Variants in TASP1 observed in about 807,000 individuals in gnomAD.
TASP1 encodes the protein threonine aspartase 1.
Under a neutral mutation model 56.6 loss-of-function variants are expected in TASP1, and 16 were observed. The ratio of observed to expected loss-of-function variants is 0.28; its 90% CI spans 0.19 to 0.43. The LOEUF (loss-of-function observed/expected upper bound fraction) is 0.43, where lower values mean the gene tolerates loss of function less well. TASP1 is among the 20% of genes least tolerant of loss of function. TASP1 has a pLI of 1.00. For missense variants in TASP1, 393 were observed against 511.6 expected (o/e 0.77, Z 2.24); for synonymous variants, 179 against 184.2 (o/e 0.97, Z 0.23).
At chr20:13,610,057 G>T (rs1038313439) in intron 4 of TASP1, among the ~76,000 whole-genome samples, 2 of 152,168 alleles carry the variant, frequency 1.3e-5, no homozygotes, top group African/African-American at 2.4e-5. Flanking sequence ...AAAATATCCA[G>T]AAGAGGTAAA....
At chr20:13,415,191 A>G (rs78018017) in intron 13 of TASP1, among the ~76,000 whole-genome samples, 9,649 of 152,256 alleles carry the variant, frequency 0.063, 455 homozygotes, top group African/African-American at 0.13. Flanking sequence ...GATGCTGAAC[A>G]GGTATGCCAC....
chr20:13,484,364 T>G (rs1374131163), intron 10 of TASP1, among the ~76,000 whole-genome samples: 1 of 152,204 alleles, frequency 6.6e-6, no homozygotes, highest in Non-Finnish European at 1.5e-5. Flanking sequence ...ACCCGTATGT[T>G]TCTAGCAGCA....
At chr20:13,577,724 C>T (rs1242470400) in intron 6 of TASP1, among the ~76,000 whole-genome samples, 1 of 152,190 alleles carries the variant, frequency 6.6e-6, no homozygotes, top group Non-Finnish European at 1.5e-5. Context: ...AGATCTTGGA[C>T]CGCTTAACTT....
At chr20:13,467,814 C>T (rs2044321950) in intron 11 of TASP1, among the ~76,000 whole-genome samples, 1 of 151,850 alleles carries the variant, frequency 6.6e-6, no homozygotes, top group Non-Finnish European at 1.5e-5. Flanking sequence ...GTCAGGAGTT[C>T]GAGACCAGTC....
chr20:13,520,710 A>G (rs1407477940), intron 10 of TASP1, among the ~76,000 whole-genome samples: 2 of 152,166 alleles, frequency 1.3e-5, no homozygotes, highest in African/African-American at 4.8e-5. Context: ...GACATAGGCA[A>G]GGGCAAGGAC....
At chr20:13,527,677 A>G (rs1474764962) in intron 10 of TASP1, among the ~76,000 whole-genome samples, 1 of 152,102 alleles carries the variant, frequency 6.6e-6, no homozygotes, top group African/African-American at 2.4e-5. Flanking sequence ...TTTACAATAT[A>G]CATATAAAAA....
At chr20:13,134,932 C>T in the TASP1 span, among the ~76,000 whole-genome samples, 1 of 152,196 alleles carries the variant, frequency 6.6e-6, no homozygotes, top group African/African-American at 2.4e-5. Context: ...CTTCAGTCCC[C>T]ATGACCACTT....
chr20:13,119,678 T>C, the TASP1 span, among the ~76,000 whole-genome samples: 108,587 of 152,034 alleles, frequency 0.71, 39,076 homozygotes, highest in African/African-American at 0.78. Flanking sequence ...CATGTTACAC[T>C]GCAGTGTCTA....
At chr20:13,488,418 T>G (rs900985207) in intron 10 of TASP1, among the ~76,000 whole-genome samples, 2 of 152,088 alleles carry the variant, frequency 1.3e-5, no homozygotes, top group African/African-American at 4.8e-5. Context: ...AAAGATGCTA[T>G]GGCAAAAAAA....
chr20:13,392,124 A>G (rs2041312977), intron 13 of TASP1, among the ~76,000 whole-genome samples: 1 of 151,776 alleles, frequency 6.6e-6, no homozygotes, highest in South Asian at 2.1e-4. Context: ...ACTCTAGAGT[A>G]TCCTACAAGC....
At chr20:13,131,342 G>A in the TASP1 span, among the ~76,000 whole-genome samples, 1 of 152,070 alleles carries the variant, frequency 6.6e-6, no homozygotes, top group Non-Finnish European at 1.5e-5. Flanking sequence ...GTGGTGCCCG[G>A]CCTGACATCT....
At chr20:13,112,997 A>C in the TASP1 span, among the ~76,000 whole-genome samples, 29 of 152,322 alleles carry the variant, frequency 1.9e-4, no homozygotes, top group African/African-American at 6.7e-4. Context: ...AGCCTAGCCA[A>C]CAGGGTGAAA....
intron 4 of TASP1, among the ~76,000 whole-genome samples, chr20:13,601,251 A>G (rs562080254): frequency 6.6e-6 from 1 of 151,730 alleles, no homozygotes; most frequent in East Asian, 1.9e-4. Flanking sequence ...GCACTCCACC[A>G]GCCTGGGCAA....
chr20:13,113,298 A>G, the TASP1 span, among the ~76,000 whole-genome samples: 1 of 152,200 alleles, frequency 6.6e-6, no homozygotes, highest in East Asian at 1.9e-4. Context: ...TTAGGAATGC[A>G]TATCTTGTTG....
intron 11 of TASP1, among the ~76,000 whole-genome samples, chr20:13,436,739 T>C (rs6105098): frequency 0.36 from 54,598 of 151,860 alleles, 10,643 homozygotes; most frequent in Non-Finnish European, 0.43. Context: ...GACTGGATAA[T>C]CCCTTTCCAG....
chr20:13,628,139 T>C (rs1045194343), intron 2 of TASP1, among the ~76,000 whole-genome samples: 1 of 152,258 alleles, frequency 6.6e-6, no homozygotes, highest in Non-Finnish European at 1.5e-5. Flanking sequence ...AGCTCTACCT[T>C]TAATCATAGC....
chr20:13,303,182 A>T, the TASP1 span, among the ~76,000 whole-genome samples: 1 of 152,204 alleles, frequency 6.6e-6, no homozygotes, highest in Non-Finnish European at 1.5e-5. Context: ...GCAGTGTCTG[A>T]TCACCAAAGC....
intron 8 of TASP1, among the ~76,000 whole-genome samples, chr20:13,539,589 T>C (rs1423580007): frequency 6.6e-6 from 1 of 152,208 alleles, no homozygotes; most frequent in Non-Finnish European, 1.5e-5. Context: ...CTTTATACTA[T>C]TTATTTCCTA....
At chr20:13,355,531 A>G in the TASP1 span, among the ~76,000 whole-genome samples, 4 of 152,206 alleles carry the variant, frequency 2.6e-5, no homozygotes, top group African/African-American at 9.7e-5. Flanking sequence ...GTGTTTTAGG[A>G]CTGCACTCTT....
Sources: gnomAD v4.1 joint callset for allele counts (sites outside exome capture counted in the v4.1 genomes callset) on GRCh38, gnomAD v4.1.1 for gene constraint, MANE v1.5 for transcripts, NCBI Gene and HGNC (gene_info 2026-07-23, HGNC 2026-07-21) for gene names.